Variants in BLTP1 observed in about 807,000 individuals in gnomAD.
BLTP1 encodes fragile site-associated protein.
the BLTP1 span, among the ~76,000 whole-genome samples, chr4:122,279,071 C>T: frequency 1.3e-5 from 2 of 152,194 alleles, no homozygotes; most frequent in Admixed American, 6.5e-5. Context: ...GCTTCAGGAT[C>T]TTGATCTCAC....
At chr4:122,305,620 T>G in the BLTP1 span, 1 of 969,556 alleles carries the variant, frequency 1.0e-6, no homozygotes, top group Non-Finnish European at 1.2e-6. Context: ...ATTTAATACA[T>G]TGCCATTTAG....
chr4:122,307,667 T>A, the BLTP1 span: 1 of 985,220 alleles, frequency 1.0e-6, no homozygotes, highest in Non-Finnish European at 1.2e-6. Context: ...ATCTAACATA[T>A]AATAGGCATT....
At chr4:122,346,558 A>T in the BLTP1 span, 1 of 1,569,028 alleles carries the variant, frequency 6.4e-7, no homozygotes, top group Admixed American at 1.8e-5. Context: ...CCTGTCTTAT[A>T]CCTACCATGT....
chr4:122,232,692 C>T, the BLTP1 span, among the ~76,000 whole-genome samples: 1 of 152,126 alleles, frequency 6.6e-6, no homozygotes, highest in Non-Finnish European at 1.5e-5. Context: ...GAACACTGAA[C>T]TTAGGGTATC....
At chr4:122,269,169 T>G in the BLTP1 span, 1 of 601,332 alleles carries the variant, frequency 1.7e-6, no homozygotes. Context: ...CATTTATATA[T>G]AAATATGTTT....
chr4:122,243,057 A>G, the BLTP1 span: 1 of 1,612,532 alleles, frequency 6.2e-7, no homozygotes, highest in Non-Finnish European at 8.5e-7. Context: ...AACTTTCAGG[A>G]TCAACTTCAA....
chr4:122,292,554 T>G, the BLTP1 span: 1 of 858,976 alleles, frequency 1.2e-6, no homozygotes, highest in Admixed American at 6.2e-5. Context: ...CAGAAGAAAA[T>G]AGTATGTTAA....
At chr4:122,344,323 G>T in the BLTP1 span, 1 of 1,542,400 alleles carries the variant, frequency 6.5e-7, no homozygotes, top group Non-Finnish European at 8.8e-7. Context: ...TAACTAGACA[G>T]CTGTGTGTAT....
At chr4:122,307,684 A>G in the BLTP1 span, 1 of 985,292 alleles carries the variant, frequency 1.0e-6, no homozygotes, top group Non-Finnish European at 1.2e-6. Flanking sequence ...CATTTCACAA[A>G]TAAGTTAGAG....
the BLTP1 span, chr4:122,316,711 G>A: frequency 6.3e-7 from 1 of 1,597,818 alleles, no homozygotes; most frequent in Non-Finnish European, 8.5e-7. Flanking sequence ...GGTATTGACA[G>A]ATACACTTTT....
At chr4:122,201,050 G>A in the BLTP1 span, 64 of 1,613,228 alleles carry the variant, frequency 4.0e-5, no homozygotes, top group African/African-American at 3.7e-4. Flanking sequence ...GGAACATGCC[G>A]CAGACATGGC....
chr4:122,353,565 TTGG>T, the BLTP1 span, among the ~76,000 whole-genome samples: 3 of 152,300 alleles, frequency 2.0e-5, no homozygotes, highest in East Asian at 5.8e-4. The surrounding 1 kb of genome is among the most constrained non-coding windows in gnomAD (Gnocchi z 4.3). Context: ...ACTTTTCTAC[TTGG>T]TGGTTTCTAC....
the BLTP1 span, among the ~76,000 whole-genome samples, chr4:122,216,573 G>A: frequency 1.3e-5 from 2 of 152,110 alleles, no homozygotes; most frequent in African/African-American, 2.4e-5. Flanking sequence ...TTTGAGAAAT[G>A]TCTATTCATG....
chr4:122,196,405 A>C, the BLTP1 span, among the ~76,000 whole-genome samples: 2 of 152,162 alleles, frequency 1.3e-5, no homozygotes, highest in Non-Finnish European at 2.9e-5. Flanking sequence ...AGTTTGTCGT[A>C]GTAATCTTGA....
At chr4:122,355,902 T>C in the BLTP1 span, 1 of 1,612,752 alleles carries the variant, frequency 6.2e-7, no homozygotes, top group Non-Finnish European at 8.5e-7. Flanking sequence ...GCTACAACCA[T>C]GAAACAGAGA....
the BLTP1 span, chr4:122,344,215 G>T: frequency 2.2e-6 from 1 of 451,338 alleles, no homozygotes; most frequent in Non-Finnish European, 2.9e-6. Flanking sequence ...TTAAATTGTT[G>T]TTAGAAATGC....
At chr4:122,185,325 T>C in the BLTP1 span, 3,940 of 983,290 alleles carry the variant, frequency 4.0e-3, 5 homozygotes, top group Non-Finnish European at 4.5e-3. Flanking sequence ...AAAAAAGAGG[T>C]CTCAGAAAAC....
At chr4:122,209,464 G>A in the BLTP1 span, 1 of 905,812 alleles carries the variant, frequency 1.1e-6, no homozygotes. Context: ...GGCCAACATG[G>A]TGAAACCTTG....
At chr4:122,184,650 C>T in the BLTP1 span, 4 of 982,024 alleles carry the variant, frequency 4.1e-6, no homozygotes, top group African/African-American at 5.3e-5. Flanking sequence ...AAAAAAAAAC[C>T]AAAAAACAAA....
Sources: allele counts gnomAD v4.1 joint callset (sites outside exome capture counted in the v4.1 genomes callset), GRCh38; gene constraint gnomAD v4.1.1; non-coding constraint Gnocchi (gnomAD v3.1); transcripts MANE v1.5; gene names NCBI Gene and HGNC (gene_info 2026-07-23, HGNC 2026-07-21).